Variants in KCNQ5 observed in about 807,000 individuals in gnomAD.
The protein encoded by KCNQ5 is potassium voltage-gated channel subfamily KQT member 5.
Under a neutral mutation model 98.2 loss-of-function variants are expected in KCNQ5, and 30 were observed. The observed-to-expected ratio is 0.31, with a 90% confidence interval of 0.23 to 0.41. The LOEUF is 0.41. KCNQ5 is among the 10% of genes least tolerant of loss of function. The pLI, the probability that KCNQ5 is intolerant of heterozygous loss-of-function variation, is 1.00. For missense variants in KCNQ5, 835 were observed against 1,182.5 expected, an observed-to-expected ratio of 0.71 and a Z score of 4.31; for synonymous variants, 458 against 449.4, an observed-to-expected ratio of 1.02 and a Z score of -0.24.
At chr6:72,836,713 A>G (rs927323286) in intron 1 of KCNQ5, among the ~76,000 whole-genome samples, 3 of 152,164 alleles carry the variant, frequency 2.0e-5, no homozygotes, top group African/African-American at 7.2e-5. Flanking sequence ...TTTTTTATGT[A>G]AACACTTTGA....
chr6:72,999,283 C>A (rs1487410588), intron 1 of KCNQ5, among the ~76,000 whole-genome samples: 2 of 152,082 alleles, frequency 1.3e-5, no homozygotes, highest in Non-Finnish European at 2.9e-5. Flanking sequence ...AACATAGAGT[C>A]CTTTGAGTTG....
chr6:73,112,061 T>G (rs1775261844), intron 7 of KCNQ5, among the ~76,000 whole-genome samples: 1 of 152,234 alleles, frequency 6.6e-6, no homozygotes, highest in African/African-American at 2.4e-5. Context: ...CTAAAAGGAA[T>G]GCTTCTCCTT....
chr6:73,027,677 C>T (rs1770951544), intron 2 of KCNQ5, among the ~76,000 whole-genome samples: 1 of 152,174 alleles, frequency 6.6e-6, no homozygotes, highest in Non-Finnish European at 1.5e-5. Context: ...GCTAAATCTT[C>T]CCCCTTGTCC....
intron 1 of KCNQ5, among the ~76,000 whole-genome samples, chr6:72,997,697 G>C (rs954943282): frequency 6.7e-6 from 1 of 148,390 alleles, no homozygotes; most frequent in Non-Finnish European, 1.5e-5. Flanking sequence ...AAAGGAGAAT[G>C]GCGTGAATCC....
At chr6:73,075,225 CTTTT>C (rs60204032) in intron 3 of KCNQ5, among the ~76,000 whole-genome samples, 6 of 131,542 alleles carry the variant, frequency 4.6e-5, no homozygotes, top group Admixed American at 7.5e-5. Context: ...TATAGTCTCA[CTTTT>C]TTTTTTTTTT....
intron 9 of KCNQ5, 39 bp downstream of exon 9, chr6:73,124,551 T>C (rs754580377): frequency 1.3e-6 from 2 of 1,584,448 alleles, no homozygotes; most frequent in East Asian, 4.5e-5. Flanking sequence ...TGTTTATAAA[T>C]CTGATACCTA....
chr6:72,741,565 A>G (rs1771131585), intron 1 of KCNQ5, among the ~76,000 whole-genome samples: 1 of 152,184 alleles, frequency 6.6e-6, no homozygotes, highest in Non-Finnish European at 1.5e-5. Flanking sequence ...ATTTCAAACA[A>G]GTTTCCAAGT....
chr6:72,987,221 G>A (rs1345107682), intron 1 of KCNQ5: 3 of 691,550 alleles, frequency 4.3e-6, no homozygotes, highest in East Asian at 3.0e-5. Flanking sequence ...GGAAGAAAAA[G>A]AACAAGAGGA....
intron 1 of KCNQ5, among the ~76,000 whole-genome samples, chr6:72,775,063 G>A (rs1428201062): frequency 6.6e-6 from 1 of 152,114 alleles, no homozygotes; most frequent in Non-Finnish European, 1.5e-5. Flanking sequence ...ACTATCCAAT[G>A]CACAGCAACA....
At chr6:72,718,930 T>C (rs1327880307) in intron 1 of KCNQ5, among the ~76,000 whole-genome samples, 1 of 152,224 alleles carries the variant, frequency 6.6e-6, no homozygotes, top group East Asian at 1.9e-4. Context: ...TTTTGTTTTA[T>C]AAAAATAACT....
intron 11 of KCNQ5, among the ~76,000 whole-genome samples, chr6:73,187,061 CT>C (rs56920924): frequency 0.034 from 4,606 of 137,102 alleles, 183 homozygotes; most frequent in African/African-American, 0.11. Flanking sequence ...CACCAAAATT[CT>C]TTTTTTTTTT....
Position 72,954,303 on chromosome 6 carries a change from T to TG in KCNQ5, c.399-49602dup, listed in dbSNP as rs370828497. On this transcript the variant is annotated intron_variant, in intron 1 of 13. Coordinates refer to ENST00000370398, the MANE Select transcript of KCNQ5 (RefSeq NM_019842.4). ...GTTCAAGAGGAAAGTGTAAGTGCTG[T>TG]GGGAGGAAGGCAGGAGGAGGAGCCA... Among the ~76,000 whole-genome samples, 400 of 152,052 alleles carry TG rather than the reference T, an allele frequency of 2.6e-3. 3 individuals carry two copies. The highest frequency in any genetic ancestry group is 9.3e-3 in the African/African-American group (384 of 41,456).
chr6:73,049,205 G>C (rs1343593045), intron 3 of KCNQ5, among the ~76,000 whole-genome samples: 1 of 152,136 alleles, frequency 6.6e-6, no homozygotes, highest in African/African-American at 2.4e-5. Context: ...GTGCATAGTT[G>C]ATTGCAGTAT....
chr6:72,764,938 C>G (rs75956027), intron 1 of KCNQ5, among the ~76,000 whole-genome samples: 7,137 of 152,050 alleles, frequency 0.047, 553 homozygotes, highest in African/African-American at 0.16. Flanking sequence ...CATGTTATTG[C>G]AAATGACTGG....
At chr6:72,729,162 G>A (rs1320246176) in intron 1 of KCNQ5, among the ~76,000 whole-genome samples, 1 of 152,142 alleles carries the variant, frequency 6.6e-6, no homozygotes, top group Non-Finnish European at 1.5e-5. Context: ...CAGGACAAAT[G>A]AGGTGTTTCC....
At position 72,870,494 on chromosome 6, in the gene KCNQ5, G is replaced by A. The variant is rs546388622; in HGVS notation, c.399-133414G>A. ...TCGGACTCCTGGGATCAAATGATCG[G>A]CCTGCCTCAGCCTCTGAAAGTGCTG... On this transcript the variant is annotated intron_variant, in intron 1 of 13. Transcript: ENST00000370398. Among the ~76,000 whole-genome samples the A allele has an allele frequency of 3.4e-4, 52 of 152,068 alleles. No individual in the cohort carries two copies. The Middle Eastern group carries it at 0.01, about 30-fold the overall frequency.
At chr6:72,713,222 C>T (rs939370128) in intron 1 of KCNQ5, among the ~76,000 whole-genome samples, 2 of 152,148 alleles carry the variant, frequency 1.3e-5, no homozygotes, top group Admixed American at 6.6e-5. Context: ...AGCCCCATTT[C>T]GGATGTTTCC....
chr6:73,003,527 C>T (rs1053503780), intron 1 of KCNQ5, among the ~76,000 whole-genome samples: 10 of 152,152 alleles, frequency 6.6e-5, no homozygotes, highest in African/African-American at 9.6e-5. Context: ...CTCCTTTGAA[C>T]GAAGAGTGAC....
intron 3 of KCNQ5, among the ~76,000 whole-genome samples, chr6:73,057,205 A>G (rs1347954724): frequency 6.6e-6 from 1 of 152,092 alleles, no homozygotes; most frequent in Non-Finnish European, 1.5e-5. Flanking sequence ...GGAAACCATC[A>G]TTCTCAGCAA....
Sources: allele counts gnomAD v4.1 joint callset (sites outside exome capture counted in the v4.1 genomes callset), GRCh38; gene constraint gnomAD v4.1.1; transcripts MANE v1.5; gene names NCBI Gene and HGNC (gene_info 2026-07-23, HGNC 2026-07-21).